Variants in ASB4 observed in about 807,000 individuals in gnomAD.
ASB4 encodes ankyrin repeat and SOCS box containing 4.
Under a neutral mutation model 38.6 loss-of-function variants are expected in ASB4, and 35 were observed. The observed-to-expected ratio is 0.91, with a 90% CI of 0.69 to 1.20. The LOEUF (loss-of-function observed/expected upper bound fraction) is 1.20, where lower values mean the gene tolerates loss of function less well. Ranked by LOEUF, ASB4 falls within the 50% of genes most tolerant of loss-of-function variation. The probability of loss-of-function intolerance (pLI) is 0.00; values close to 1 mark genes in which losing one functional copy is unlikely to be tolerated. For synonymous variants in ASB4, 195 were observed against 201.3 expected, an observed-to-expected ratio of 0.97 and a Z score of 0.26; for missense variants, 557 against 527.2, an observed-to-expected ratio of 1.06 and a Z score of -0.55.
At chr7:95,497,905 T>A (rs1437266159) in intron 2 of ASB4, among the ~76,000 whole-genome samples, 1 of 152,204 alleles carries the variant, frequency 6.6e-6, no homozygotes, top group Admixed American at 6.5e-5. Flanking sequence ...TGTATACACA[T>A]AACAAAATTG....
chr7:95,484,491 T>G (rs1790057625), upstream of ASB4, among the ~76,000 whole-genome samples: 1 of 152,220 alleles, frequency 6.6e-6, no homozygotes, highest in Non-Finnish European at 1.5e-5. Flanking sequence ...CATGAGTTTG[T>G]TCACTAAAAA....
At chr7:95,479,720 G>T (rs1790007978) in intron 1 of ASB4, among the ~76,000 whole-genome samples, 1 of 152,184 alleles carries the variant, frequency 6.6e-6, no homozygotes, top group Non-Finnish European at 1.5e-5. Flanking sequence ...ATCAGGCCTA[G>T]AACACAGCAG....
chr7:95,479,252 A>G (rs1050599397), intron 1 of ASB4, among the ~76,000 whole-genome samples: 41 of 152,224 alleles, frequency 2.7e-4, no homozygotes, highest in African/African-American at 9.2e-4. Context: ...GTCTTTCACC[A>G]TAACACCACT....
intron 3 of ASB4, among the ~76,000 whole-genome samples, chr7:95,529,948 C>T (rs1236820735): frequency 6.6e-6 from 1 of 151,994 alleles, no homozygotes; most frequent in Non-Finnish European, 1.5e-5. Context: ...TTACTTAACA[C>T]CTCCGAAGTG....
chr7:95,515,614 C>G (rs557485409), intron 2 of ASB4, among the ~76,000 whole-genome samples: 1 of 152,040 alleles, frequency 6.6e-6, no homozygotes, highest in African/African-American at 2.4e-5. Context: ...CGGGGTTTCC[C>G]CATGTTGACC....
At chr7:95,476,629 C>T (rs375334971), upstream of ASB4, among the ~76,000 whole-genome samples, 3 of 152,282 alleles carry the variant, frequency 2.0e-5, no homozygotes, top group East Asian at 5.8e-4. Context: ...CTGCTTTAAC[C>T]TCCATCTGTG....
downstream of ASB4, among the ~76,000 whole-genome samples, chr7:95,541,614 G>A (rs1204781789): frequency 2.6e-5 from 4 of 152,242 alleles, no homozygotes; most frequent in African/African-American, 9.6e-5. Context: ...CTGAGTGGGG[G>A]ATTAGTAAAC....
intron 2 of ASB4, among the ~76,000 whole-genome samples, chr7:95,504,102 G>A (rs1002605938): frequency 1.3e-5 from 2 of 152,138 alleles, no homozygotes; most frequent in Admixed American, 6.6e-5. Context: ...AAGAGAGTCG[G>A]GGCAGGTTTA....
upstream of ASB4, chr7:95,473,559 T>C (rs965943722): frequency 2.6e-5 from 4 of 152,176 alleles, no homozygotes; most frequent in Admixed American, 6.5e-5. Context: ...GGAAGCACGA[T>C]TGGTCTCCCT....
At chr7:95,501,039 A>G (rs1410728183) in intron 2 of ASB4, among the ~76,000 whole-genome samples, 1 of 152,188 alleles carries the variant, frequency 6.6e-6, no homozygotes, top group African/African-American at 2.4e-5. Flanking sequence ...TGATTTTTAA[A>G]TTTAATTAGT....
intron 2 of ASB4, among the ~76,000 whole-genome samples, chr7:95,499,865 CTTTTT>C (rs61250820): frequency 1.3e-5 from 1 of 77,214 alleles, no homozygotes; most frequent in Non-Finnish European, 2.3e-5. Context: ...GATACATCCT[CTTTTT>C]TTTTTTTTTT....
chr7:95,538,685 T>G lies in ASB4; in HGVS notation c.*926T>G, dbSNP rs574548106. 6.6e-6 allele frequency: 1 copy of G among 152,274 alleles called. No individual in the cohort carries two copies. The highest frequency in any genetic ancestry group is 2.4e-5 in the African/African-American group (1 of 41,536). The allele number at this position is 152,274 out of a possible 1,614,324, so 9.4% of individuals were successfully genotyped here. ...GTTTTTTCTAGATAGTGTGTCTTTT[T>G]GGTATGGTTTCTTGGTTAGTATTAA... On this transcript the variant is annotated 3_prime_UTR_variant, in exon 5 of 5. Coordinates refer to ENST00000325885, the MANE Select transcript of ASB4 (RefSeq NM_016116.3).
At chr7:95,477,641 CTAAT>C (rs756169938), upstream of ASB4, among the ~76,000 whole-genome samples, 1 of 151,780 alleles carries the variant, frequency 6.6e-6, no homozygotes, top group Non-Finnish European at 1.5e-5. Context: ...CGCTTTGCGA[CTAAT>C]TAATTATGCA....
At chr7:95,504,911 G>C (rs896822191) in intron 2 of ASB4, among the ~76,000 whole-genome samples, 7 of 152,156 alleles carry the variant, frequency 4.6e-5, no homozygotes, top group Non-Finnish European at 1.0e-4. Context: ...CACCTAGTCA[G>C]TCAGCAGTTA....
intron 3 of ASB4, chr7:95,528,635 C>A: frequency 8.0e-7 from 1 of 1,249,080 alleles, no homozygotes. Context: ...CATACATTTG[C>A]CATCTTTTAA....
rs1347726161 is a variant in ASB4, at chr7:95,537,962, G to A, written c.*203G>A. On this transcript the variant is annotated 3_prime_UTR_variant, in exon 5 of 5. Transcript: ENST00000325885. ...AAAGTTAAGGAATTTTCAAAGACAA[G>A]GATGTATTCAGAATGTACTGATAGA... 5 of 548,708 alleles carry A rather than the reference G, an allele frequency of 9.1e-6. No individual in the cohort carries two copies. In the South Asian group the frequency reaches 1.3e-4, roughly 15 times the overall value. 34.0% of individuals were successfully genotyped at this position (548,708 alleles called of 1,614,324 possible).
intron 2 of ASB4, among the ~76,000 whole-genome samples, chr7:95,518,082 GA>G (rs1455269949): frequency 1.3e-5 from 2 of 152,128 alleles, no homozygotes; most frequent in Non-Finnish European, 2.9e-5. Flanking sequence ...AGAAGGTAAA[GA>G]TGCTGAATTA....
chr7:95,536,215 G>C (rs1453716248), intron 3 of ASB4, among the ~76,000 whole-genome samples: 1 of 151,832 alleles, frequency 6.6e-6, no homozygotes, highest in African/African-American at 2.4e-5. Context: ...TAGGTCTGTG[G>C]GTTCTGGTTT....
At chr7:95,506,363 C>T (rs1790408152) in intron 2 of ASB4, among the ~76,000 whole-genome samples, 1 of 152,148 alleles carries the variant, frequency 6.6e-6, no homozygotes, top group African/African-American at 2.4e-5. Flanking sequence ...CATTCCCTAT[C>T]ATCCCAGGGA....
Sources: allele counts gnomAD v4.1 joint callset (sites outside exome capture counted in the v4.1 genomes callset), GRCh38; gene constraint gnomAD v4.1.1; transcripts MANE v1.5; gene names NCBI Gene and HGNC (gene_info 2026-07-23, HGNC 2026-07-21).